The following IFT52 variants were observed in gnomAD, a reference collection of about 807,000 sequenced individuals.
The protein encoded by IFT52 is intraflagellar transport protein 52 homolog.
In IFT52, 44 loss-of-function variants were observed where a neutral mutation model predicts 54.4. That is an observed-to-expected ratio of 0.81 (90% CI 0.63 to 1.04). The LOEUF is 1.04. IFT52 is among the 50% of genes least tolerant of loss of function. IFT52 has a pLI of 0.00. For synonymous variants in IFT52, 181 were observed against 185.3 expected (o/e 0.98, Z 0.19); for missense variants, 452 against 523.6 (o/e 0.86, Z 1.33).
intron 6 of IFT52, among the ~76,000 whole-genome samples, chr20:43,611,142 C>G (rs1398298469): frequency 6.6e-5 from 10 of 152,144 alleles, no homozygotes; most frequent in Admixed American, 6.6e-4. Flanking sequence ...TGGACTAGTC[C>G]TGCTTCTTGC....
intron 10 of IFT52, among the ~76,000 whole-genome samples, chr20:43,631,609 C>T (rs940402319): frequency 3.3e-5 from 5 of 152,318 alleles, no homozygotes; most frequent in Admixed American, 3.3e-4. Flanking sequence ...AAATTGCATA[C>T]AATGCAAAAG....
intron 9 of IFT52, 125 bp from the exon 10 acceptor site, chr20:43,623,766 A>T (rs1014647818): frequency 1.8e-6 from 2 of 1,100,460 alleles, no homozygotes; most frequent in African/African-American, 3.1e-5. Flanking sequence ...GTCAGTGATC[A>T]TGAACAGTAA....
At chr20:43,612,317 G>A (rs1233362951) in intron 6 of IFT52, among the ~76,000 whole-genome samples, 1 of 152,120 alleles carries the variant, frequency 6.6e-6, no homozygotes, top group Non-Finnish European at 1.5e-5. Context: ...GAGAATGTGG[G>A]CCAAGTACCA....
At chr20:43,596,266 C>T (rs1255206485) in intron 2 of IFT52, among the ~76,000 whole-genome samples, 169 bp from the exon 3 acceptor site, 2 of 152,180 alleles carry the variant, frequency 1.3e-5, no homozygotes, top group Non-Finnish European at 2.9e-5. Flanking sequence ...CTGGGGCAGG[C>T]CTGTAGAGGG....
chr20:43,608,020 C>T (rs1266534094), intron 6 of IFT52, among the ~76,000 whole-genome samples: 9 of 147,210 alleles, frequency 6.1e-5, no homozygotes, highest in East Asian at 6.1e-4. Flanking sequence ...TGGCGGTGCG[C>T]GCCTGCAATC....
In IFT52 at chr20:43,642,558, A is replaced by T; in HGVS notation, c.1200A>T (p.Gln400His). Residue 400 changes from glutamine (Q) to histidine (H), a missense_variant, in exon 13 of 14, where the codon CAA becomes CAT. By Grantham distance (24) the Gln-to-His change is conservative. Coordinates refer to ENST00000373030, the MANE Select transcript of IFT52 (RefSeq NM_016004.5). ...LGVTSKLPKD[Q>H]QDAKHILEHV... is the part of the protein sequence containing the mutation. ...TAACCAGTAAACTACCAAAGGACCA[A>T]CAGGATGCCAAACATATCCTTGAGC... is the stretch of plus-strand genomic sequence containing the variant. 6.2e-7 allele frequency: 1 copy of T among 1,614,212 alleles called. No individual in the cohort carries two copies. The highest frequency in any genetic ancestry group is 8.5e-7 in the Non-Finnish European group (1 of 1,180,028).
At position 43,613,851 on chromosome 20, in the gene IFT52, G is replaced by T; in HGVS notation, c.487G>T (p.Ala163Ser). The change falls in exon 7 of 14, where the codon GCT becomes TCT. Residue 163 changes from alanine to serine, a missense_variant and splice_region_variant. Coordinates refer to ENST00000373030, the MANE Select transcript of IFT52 (RefSeq NM_016004.5). ...DEESSGNNAQ[A>S]LTFVYPFGAT... The stretch of plus-strand genomic sequence containing the variant: ...ATGTGTTTCTTTAATTTCTTACAGG[G>T]CTCTCACCTTTGTGTATCCTTTTGG... 6.2e-7 allele frequency: 1 copy of T among 1,613,148 alleles called. No homozygotes were observed. Among genetic ancestry groups the T allele is most frequent in the Non-Finnish European group, 8.5e-7 (1 of 1,179,572 alleles).
chr20:43,596,803 G>A (rs183447521), intron 3 of IFT52, among the ~76,000 whole-genome samples: 300 of 141,380 alleles, frequency 2.1e-3, no homozygotes, highest in African/African-American at 7.4e-3. Flanking sequence ...GTGCAGTGGC[G>A]CAATCTCGGC....
Position 43,620,137 on chromosome 20 carries a change from G to A in IFT52, c.700-720G>A, listed in dbSNP as rs1019257588. 5.3e-5 allele frequency among the ~76,000 whole-genome samples: 8 copies of A among 151,754 alleles called. No individual in the cohort carries two copies. In the East Asian group the frequency reaches 1.4e-3, roughly 26 times the overall value. ...TCACTATGTTGGCCAGGCTGGTCTC[G>A]AACTCCTGACTTCAGGTGATCCACC... On this transcript the variant is annotated intron_variant, in intron 8 of 13. Transcript: ENST00000373030.
chr20:43,625,045 G>A (rs1476643141), intron 10 of IFT52, among the ~76,000 whole-genome samples: 1 of 152,074 alleles, frequency 6.6e-6, no homozygotes, highest in African/African-American at 2.4e-5. Context: ...GGATGCTTCA[G>A]GGACCTCAAT....
chr20:43,643,113 G>A (rs895052572), intron 13 of IFT52, among the ~76,000 whole-genome samples: 22 of 151,350 alleles, frequency 1.5e-4, no homozygotes, highest in Non-Finnish European at 2.6e-4. Context: ...GTTGTGGTGA[G>A]CTGAGATCGT....
chr20:43,604,947 G>C (rs911316497), intron 5 of IFT52, 55 bp from the exon 6 acceptor site: 1 of 1,571,956 alleles, frequency 6.4e-7, no homozygotes. Context: ...AATGAATGCA[G>C]TGTGAAATTC....
intron 12 of IFT52, among the ~76,000 whole-genome samples, chr20:43,641,192 A>G (rs1600520406): frequency 6.6e-6 from 1 of 151,996 alleles, no homozygotes; most frequent in Middle Eastern, 3.4e-3. Flanking sequence ...TTTTCTTTCT[A>G]TAATATTGTT....
intron 10 of IFT52, among the ~76,000 whole-genome samples, chr20:43,627,384 G>A (rs1216097973): frequency 6.6e-6 from 1 of 152,190 alleles, no homozygotes; most frequent in Non-Finnish European, 1.5e-5. Context: ...GCAACATGGA[G>A]GTAACTGGTG....
chr20:43,644,834 C>T (rs1419679715), intron 13 of IFT52, among the ~76,000 whole-genome samples: 1 of 55,384 alleles, frequency 1.8e-5, no homozygotes, highest in African/African-American at 5.3e-5. Flanking sequence ...GGGCCAGGCG[C>T]TGTGGCTCAC....
chr20:43,644,142 T>G lies in IFT52; in HGVS notation c.1266+1518T>G, dbSNP rs1354383961. ...GAAAAAGAAATCATCTTTCTCTGACTGAGGACCAAGAACTTCAAAATTATC... is the reference window on the plus strand; with the variant it reads ...GAAAAAGAAATCATCTTTCTCTGACGGAGGACCAAGAACTTCAAAATTATC... On this transcript the variant is annotated intron_variant, in intron 13 of 13. Coordinates refer to ENST00000373030, the MANE Select transcript of IFT52 (RefSeq NM_016004.5). Among the ~76,000 whole-genome samples, 4 of 51,724 alleles carry G rather than the reference T, an allele frequency of 7.7e-5. 2 individuals are homozygous for G. The highest frequency in any genetic ancestry group is 4.3e-4 in the Admixed American group (2 of 4,680). 33.9% of individuals were successfully genotyped at this position (51,724 alleles called of 152,430 possible). A position where few individuals can be genotyped will look rare whatever the true frequency, so the allele number is the denominator to read the frequency against.
chr20:43,595,815 A>G (rs117590414), intron 2 of IFT52, among the ~76,000 whole-genome samples: 1,839 of 152,210 alleles, frequency 0.012, 21 homozygotes, highest in Middle Eastern at 0.031. Context: ...GAACCCAGGA[A>G]GTGAATGCCT....
intron 6 of IFT52, among the ~76,000 whole-genome samples, chr20:43,610,777 T>C (rs1983381850): frequency 6.6e-6 from 1 of 152,122 alleles, no homozygotes; most frequent in Non-Finnish European, 1.5e-5. Context: ...AATCTAATTA[T>C]TTCACTTTGT....
At chr20:43,624,746 G>C (rs1294395679) in intron 10 of IFT52, among the ~76,000 whole-genome samples, 1 of 152,180 alleles carries the variant, frequency 6.6e-6, no homozygotes, top group Non-Finnish European at 1.5e-5. Flanking sequence ...AAATGACACA[G>C]AAGCAGAGGG....
Sources: gnomAD v4.1 joint callset for allele counts (sites outside exome capture counted in the v4.1 genomes callset) on GRCh38, gnomAD v4.1.1 for gene constraint, MANE v1.5 for transcripts, NCBI Gene and HGNC (gene_info 2026-07-23, HGNC 2026-07-21) for gene names.